Variants in SPOCK3 observed in about 807,000 individuals in gnomAD.
SPOCK3 encodes SPARC (osteonectin), cwcv and kazal like domains proteoglycan 3.
SPOCK3 carries 30 observed loss-of-function variants against 56.6 expected under a neutral mutation model. That is an observed-to-expected ratio of 0.53 (90% CI 0.40 to 0.72). The LOEUF is 0.72. SPOCK3 is among the 30% of genes least tolerant of loss of function. The probability of loss-of-function intolerance (pLI) is 0.00; values close to 1 mark genes in which losing one functional copy is unlikely to be tolerated. For missense variants in SPOCK3, 527 were observed against 530.0 expected (o/e 0.99, Z 0.06); for synonymous variants, 196 against 183.3 (o/e 1.07, Z -0.56).
chr4:166,748,298 G>A (rs1258241444), intron 8 of SPOCK3, among the ~76,000 whole-genome samples: 11 of 136,848 alleles, frequency 8.0e-5, no homozygotes, highest in South Asian at 6.6e-4. Context: ...ATATAGACCA[G>A]TGGAACAGAA....
At chr4:167,122,114 TTTTTTC>T (rs765975083) in intron 2 of SPOCK3, among the ~76,000 whole-genome samples, 3,122 of 151,664 alleles carry the variant, frequency 0.021, 46 homozygotes, top group Non-Finnish European at 0.032. Context: ...TTCTCTTCTC[TTTTTTC>T]TTTTTTCTTT....
At chr4:166,982,865 A>G (rs917349685) in intron 4 of SPOCK3, among the ~76,000 whole-genome samples, 28 of 152,156 alleles carry the variant, frequency 1.8e-4, no homozygotes, top group African/African-American at 6.0e-4. Flanking sequence ...TAAATAATGC[A>G]TTCCCAGGAA....
chr4:167,173,368 C>T (rs1730676105), intron 2 of SPOCK3, among the ~76,000 whole-genome samples: 1 of 151,922 alleles, frequency 6.6e-6, no homozygotes, highest in Admixed American at 6.6e-5. Context: ...TTTTAAGTTC[C>T]TTTGAATTTT....
chr4:166,877,017 T>C (rs1733162806), intron 6 of SPOCK3, among the ~76,000 whole-genome samples: 1 of 152,148 alleles, frequency 6.6e-6, no homozygotes, highest in Non-Finnish European at 1.5e-5. Context: ...AATTGATACA[T>C]TATCAGTGAA....
chr4:166,841,569 G>C (rs1747338609), intron 6 of SPOCK3, among the ~76,000 whole-genome samples: 1 of 152,084 alleles, frequency 6.6e-6, no homozygotes, highest in Non-Finnish European at 1.5e-5. Context: ...TTTTGTGTCT[G>C]TCACTTTTCA....
chr4:167,126,191 A>T (rs998963315), intron 2 of SPOCK3, among the ~76,000 whole-genome samples: 1 of 152,294 alleles, frequency 6.6e-6, no homozygotes. Flanking sequence ...ACAATGTTTG[A>T]CACCTACGGT....
rs957976312 is a variant in SPOCK3, at chr4:167,098,936, C to G, written c.190-36399G>C. Among the ~76,000 whole-genome samples, 5 of 151,876 alleles carry G rather than the reference C, an allele frequency of 3.3e-5. No individual in the cohort carries two copies. In the South Asian group the frequency reaches 8.3e-4, roughly 25 times the overall value. The stretch of plus-strand genomic sequence containing the variant: ...CACTTTCTGATGTATGGCTCCTTAT[C>G]TAACAAGCTTATGCTTATTTATCTT... On this transcript the variant is annotated intron_variant, in intron 2 of 10. Coordinates refer to ENST00000357545, the MANE Select transcript of SPOCK3 (RefSeq NM_001040159.2).
At chr4:166,818,022 T>G (rs998099478) in intron 6 of SPOCK3, among the ~76,000 whole-genome samples, 1 of 152,110 alleles carries the variant, frequency 6.6e-6, no homozygotes, top group African/African-American at 2.4e-5. Flanking sequence ...TTAAAAAAGA[T>G]TCAAAGAGTT....
intron 6 of SPOCK3, among the ~76,000 whole-genome samples, chr4:166,818,326 A>G (rs998548494): frequency 1.3e-5 from 2 of 152,022 alleles, no homozygotes; most frequent in African/African-American, 2.4e-5. Flanking sequence ...TAGTGCCTAT[A>G]ATTATAAAGG....
chr4:166,871,576 CAA>C (rs1158596486), intron 6 of SPOCK3, among the ~76,000 whole-genome samples: 1 of 151,788 alleles, frequency 6.6e-6, no homozygotes, highest in Non-Finnish European at 1.5e-5. Context: ...ACGTTGCAAA[CAA>C]AGAAAAGATC....
intron 2 of SPOCK3, among the ~76,000 whole-genome samples, chr4:167,184,741 C>T (rs527866466): frequency 6.6e-6 from 1 of 152,220 alleles, no homozygotes; most frequent in South Asian, 2.1e-4. Context: ...TTTTAAAATA[C>T]CTTTAAAATT....
intron 6 of SPOCK3, among the ~76,000 whole-genome samples, chr4:166,865,502 A>T (rs917168389): frequency 2.0e-5 from 3 of 152,184 alleles, no homozygotes; most frequent in Non-Finnish European, 4.4e-5. Context: ...CTCTGTTTGC[A>T]GATGACATGA....
At chr4:166,965,712 A>G (rs1744662527) in intron 4 of SPOCK3, among the ~76,000 whole-genome samples, 1 of 152,030 alleles carries the variant, frequency 6.6e-6, no homozygotes, top group South Asian at 2.1e-4. Context: ...CTTTAGATTC[A>G]TATCAATATT....
chr4:166,951,831 C>A (rs1431086811), intron 4 of SPOCK3, among the ~76,000 whole-genome samples: 1 of 151,772 alleles, frequency 6.6e-6, no homozygotes, highest in East Asian at 1.9e-4. Flanking sequence ...AAGACAAAAA[C>A]CACATGATTA....
chr4:166,763,597 A>C (rs1026457761), intron 7 of SPOCK3, among the ~76,000 whole-genome samples: 2 of 152,126 alleles, frequency 1.3e-5, no homozygotes, highest in Non-Finnish European at 2.9e-5. Context: ...AGTACTGTGG[A>C]GTGTACAACA....
rs536176004 is a variant in SPOCK3, at chr4:166,740,746, G to A, written c.994+1251C>T. Among the ~76,000 whole-genome samples, 371 of 152,016 alleles carry A rather than the reference G, an allele frequency of 2.4e-3. 3 individuals carry two copies. Among genetic ancestry groups the A allele is most frequent in the African/African-American group, 8.3e-3 (345 of 41,488 alleles). On this transcript the variant is annotated intron_variant, in intron 9 of 10. Transcript: ENST00000357545. ...TTGCCATATTGGCCAGGGTGGTCTC[G>A]AACTCCTGACCTCAGGTGATCTGCC...
intron 2 of SPOCK3, among the ~76,000 whole-genome samples, chr4:167,106,759 T>C (rs1580310362): frequency 7.3e-6 from 1 of 137,370 alleles, no homozygotes; most frequent in Admixed American, 7.2e-5. Context: ...GGCAGACCAA[T>C]GAATTAAAAA....
At chr4:166,955,906 T>A (rs1466681333) in intron 4 of SPOCK3, among the ~76,000 whole-genome samples, 1 of 151,932 alleles carries the variant, frequency 6.6e-6, no homozygotes, top group African/African-American at 2.4e-5. Context: ...CATTTTTGAA[T>A]CTCACATCAT....
rs150851209 is a variant in SPOCK3, at chr4:167,161,269, G to A, written c.189+72716C>T. 6.3e-3 allele frequency among the ~76,000 whole-genome samples: 960 copies of A among 152,276 alleles called. 7 individuals are homozygous for A. The highest frequency in any genetic ancestry group is 0.019 in the African/African-American group (808 of 41,568). ...CTTCTCAAAAGAAGACATTTATGCA[G>A]CCAAAAGACACATGAGAAAATGCTC... On this transcript the variant is annotated intron_variant, in intron 2 of 10. Transcript: ENST00000357545.
Sources: gnomAD v4.1 joint callset for allele counts (sites outside exome capture counted in the v4.1 genomes callset) on GRCh38, gnomAD v4.1.1 for gene constraint, MANE v1.5 for transcripts, NCBI Gene and HGNC (gene_info 2026-07-23, HGNC 2026-07-21) for gene names.